Variants in MTFR1 observed in about 807,000 individuals in gnomAD.
The protein encoded by MTFR1 is chondrocyte protein with a poly-proline region.
Under a neutral mutation model 38.8 loss-of-function variants are expected in MTFR1, and 28 were observed. The observed-to-expected ratio is 0.72, with a 90% CI of 0.53 to 0.99. The LOEUF (loss-of-function observed/expected upper bound fraction) is 0.99, where lower values mean the gene tolerates loss of function less well. Ranked by LOEUF, MTFR1 falls within the 50% of genes least tolerant of loss-of-function variation. MTFR1 has a pLI of 0.00. For missense variants in MTFR1, 358 were observed against 395.5 expected (o/e 0.91, Z 0.81); for synonymous variants, 145 against 137.0 (o/e 1.06, Z -0.41).
chr8:65,655,968 AC>A (rs11298852), intron 1 of MTFR1, among the ~76,000 whole-genome samples: 3,205 of 19,014 alleles, frequency 0.17, 258 homozygotes, highest in South Asian at 0.31. Context: ...ATATATATAT[AC>A]CATATATATA....
chr8:65,655,759 G>C (rs1809236052), intron 1 of MTFR1, among the ~76,000 whole-genome samples: 1 of 151,124 alleles, frequency 6.6e-6, no homozygotes, highest in Middle Eastern at 3.4e-3. Flanking sequence ...AGACCAGCCT[G>C]GCCAACATTG....
Position 65,709,217 on chromosome 8 carries a change from T to C in MTFR1, c.*173T>C, listed in dbSNP as rs1015517420. ...AAAGCACTAAGTTTGGTTTTGCTTT[T>C]GTGAGATGGTCAGCTTTGGTGCTCT... On this transcript the variant is annotated 3_prime_UTR_variant, in exon 8 of 8. Transcript: ENST00000262146. The C allele has an allele frequency of 2.1e-5, 13 of 608,374 alleles. No homozygotes were observed. The highest frequency in any genetic ancestry group is 5.6e-5 in the East Asian group (2 of 35,644). The allele number at this position is 608,374 out of a possible 1,614,324, so 37.7% of individuals were successfully genotyped here.
At chr8:65,662,174 T>C (rs1809446356) in intron 1 of MTFR1, among the ~76,000 whole-genome samples, 2 of 151,840 alleles carry the variant, frequency 1.3e-5, no homozygotes, top group South Asian at 2.1e-4. Flanking sequence ...ACTGCTGCCA[T>C]CTCGGCTCAC....
intron 1 of MTFR1, among the ~76,000 whole-genome samples, chr8:65,648,630 C>T (rs1009092200): frequency 3.6e-4 from 55 of 151,756 alleles, no homozygotes; most frequent in Non-Finnish European, 5.9e-5. Context: ...TTTTCTGCTC[C>T]GACTCCACCG....
rs80138443 is a variant in MTFR1, at chr8:65,759,842, C to T, written c.*49-11105C>T. On this transcript the variant is annotated intron_variant, in intron 3 of 3. Coordinates refer to the MTFR1 transcript ENST00000521247. ...GTCCAGAAACAACCATTGTTAACAC[C>T]CCACCCTGGTACTCTAGATTTTTTT... 2.4e-3 allele frequency among the ~76,000 whole-genome samples: 359 copies of T among 152,146 alleles called. 1 individual carries two copies. The highest frequency in any genetic ancestry group is 8.3e-3 in the African/African-American group (344 of 41,488).
chr8:65,651,585 C>T lies in MTFR1; in HGVS notation c.-81+6801C>T, dbSNP rs551695309. Among the ~76,000 whole-genome samples, 14 of 152,228 alleles carry T rather than the reference C, an allele frequency of 9.2e-5. No individual in the cohort carries two copies. In the East Asian group the frequency reaches 2.1e-3, roughly 23 times the overall value. ...CTTTTCCCAATGTATGTTCTTGGCA[C>T]CTTTGTTAAAAATGAGTTTACTGTA... On this transcript the variant is annotated intron_variant, in intron 1 of 7. Coordinates refer to ENST00000262146, the MANE Select transcript of MTFR1 (RefSeq NM_014637.4).
At position 65,673,251 on chromosome 8, in the gene MTFR1, G is replaced by T. The variant is rs950162408; in HGVS notation, c.66+3233G>T. Among the ~76,000 whole-genome samples the T allele has an allele frequency of 1.1e-4, 16 of 152,074 alleles. 2 individuals carry two copies. The highest frequency in any genetic ancestry group is 9.8e-4 in the Admixed American group (15 of 15,250). ...GTCTGAGATTGCGGAATAGCTGGTG[G>T]GTGGAACAGTCAAAAAACACATAAC... On this transcript the variant is annotated intron_variant, in intron 2 of 7. Transcript: ENST00000262146.
chr8:65,662,134 C>A (rs1809444770), intron 1 of MTFR1, among the ~76,000 whole-genome samples: 1 of 150,452 alleles, frequency 6.6e-6, no homozygotes, highest in African/African-American at 2.4e-5. Flanking sequence ...TCCACGGTCT[C>A]CCTCTGATGC....
At chr8:65,679,233 C>T (rs1804806772) in intron 2 of MTFR1, among the ~76,000 whole-genome samples, 1 of 152,156 alleles carries the variant, frequency 6.6e-6, no homozygotes, top group Non-Finnish European at 1.5e-5. Flanking sequence ...AAATAGAAGA[C>T]TCAAGAAGAG....
chr8:65,712,813 G>A (rs117665000), downstream of MTFR1, among the ~76,000 whole-genome samples: 2,846 of 152,270 alleles, frequency 0.019, 38 homozygotes, highest in Middle Eastern at 0.044. Context: ...AACAGCCTGA[G>A]TGGACTAAGG....
the MTFR1 span, among the ~76,000 whole-genome samples, chr8:65,778,089 T>C: frequency 6.6e-6 from 1 of 152,210 alleles, no homozygotes; most frequent in Admixed American, 6.5e-5. Flanking sequence ...GGTTTTGACC[T>C]TGCATCCCTT....
intron 5 of MTFR1, 70 bp downstream of exon 5, chr8:65,704,999 A>C: frequency 7.7e-7 from 1 of 1,301,104 alleles, no homozygotes; most frequent in South Asian, 1.3e-5. Context: ...CTTACTTTAA[A>C]ATCAATTAGT....
At chr8:65,678,808 C>A (rs903873392) in intron 2 of MTFR1, among the ~76,000 whole-genome samples, 1 of 151,938 alleles carries the variant, frequency 6.6e-6, no homozygotes, top group East Asian at 1.9e-4. Flanking sequence ...TTGCTGTAAC[C>A]CAGGAGATGG....
intron 2 of MTFR1, among the ~76,000 whole-genome samples, chr8:65,678,403 C>T (rs1215693490): frequency 6.6e-6 from 1 of 152,108 alleles, no homozygotes; most frequent in Non-Finnish European, 1.5e-5. Context: ...GCTCTTCATT[C>T]TAAATATTTC....
chr8:65,662,354 C>T (rs1363609013), intron 1 of MTFR1, among the ~76,000 whole-genome samples: 1 of 151,958 alleles, frequency 6.6e-6, no homozygotes, highest in Non-Finnish European at 1.5e-5. Context: ...CCAGCCTCGG[C>T]CTCCCGAGGT....
At chr8:65,652,635 G>T (rs538216307) in intron 1 of MTFR1, among the ~76,000 whole-genome samples, 3 of 152,276 alleles carry the variant, frequency 2.0e-5, no homozygotes, top group African/African-American at 7.2e-5. Flanking sequence ...TTGTAAATGG[G>T]ATTAATTTAT....
chr8:65,661,377 C>T (rs1005639684), intron 1 of MTFR1, among the ~76,000 whole-genome samples: 4 of 152,188 alleles, frequency 2.6e-5, no homozygotes, highest in Non-Finnish European at 5.9e-5. Flanking sequence ...TCTGTTTTAG[C>T]CTGTAACCCC....
chr8:65,727,001 T>A, intron 3 of MTFR1: 1 of 1,200,524 alleles, frequency 8.3e-7, no homozygotes, highest in Non-Finnish European at 1.2e-6. Context: ...TACTTAATGA[T>A]ACGTCTCTTT....
In MTFR1 at chr8:65,707,705, G is replaced by C. The variant is rs942713498; in HGVS notation, c.765-138G>C. On this transcript the variant is annotated intron_variant, in intron 6 of 7. Coordinates refer to ENST00000262146, the MANE Select transcript of MTFR1 (RefSeq NM_014637.4). ...ATTAGCTCTAGGCTTCCATCTCAAT[G>C]CTAGCAGTATTTATCAGGTCTCTAT... 3.2e-5 allele frequency: 35 copies of C among 1,084,892 alleles called. 1 individual carries two copies. The highest frequency in any genetic ancestry group is 3.1e-4 in the Middle Eastern group (1 of 3,258). The allele number at this position is 1,084,892 out of a possible 1,614,324, so 67.2% of individuals were successfully genotyped here.
Sources: allele counts gnomAD v4.1 joint callset (sites outside exome capture counted in the v4.1 genomes callset), GRCh38; gene constraint gnomAD v4.1.1; transcripts MANE v1.5; gene names NCBI Gene and HGNC (gene_info 2026-07-23, HGNC 2026-07-21).